Variants in ZSCAN12 observed in about 807,000 individuals in gnomAD.
ZSCAN12 encodes zinc finger and SCAN domain-containing protein 12.
Under a neutral mutation model 23.4 loss-of-function variants are expected in ZSCAN12, and 18 were observed. The observed-to-expected ratio is 0.77, with a 90% CI of 0.53 to 1.14. ZSCAN12 has a LOEUF of 1.14. ZSCAN12 is among the 50% of genes most tolerant of loss of function. The pLI is 0.00. For missense variants in ZSCAN12, 650 were observed against 735.0 expected, an observed-to-expected ratio of 0.88 and a Z score of 1.34; for synonymous variants, 186 against 253.4, an observed-to-expected ratio of 0.73 and a Z score of 2.53.
chr6:28,379,262 T>G (rs1054305710), exon 5 of ZSCAN12: 1 of 152,122 alleles, frequency 6.6e-6, no homozygotes, highest in Admixed American at 6.5e-5. Context: ...AGAAAAAATA[T>G]CAGTCATTAT....
At chr6:28,382,819 G>A (rs538881496), downstream of ZSCAN12, among the ~76,000 whole-genome samples, 1 of 152,162 alleles carries the variant, frequency 6.6e-6, no homozygotes, top group African/African-American at 2.4e-5. Flanking sequence ...AAACTTTAAA[G>A]ATCATGACCC....
Position 28,390,855 on chromosome 6 carries a change from T to C in ZSCAN12, c.1435A>G (p.Ile479Val), listed in dbSNP as rs1334383390. The C allele has an allele frequency of 5.0e-6, 8 of 1,584,414 alleles. No homozygotes were observed. Among genetic ancestry groups the C allele is most frequent in the Non-Finnish European group, 6.0e-6 (7 of 1,164,578 alleles). ...TGTTCTGTAAGACTTGTCCTTTGAA[T>C]AAAGGCTTTTTCACATACGTCACAT... is the stretch of plus-strand genomic sequence containing the variant. Reference protein sequence around the residue: ...YKCDVCEKAFIQRTSLTEHQR... With the variant: ...YKCDVCEKAFVQRTSLTEHQR... Residue 479 changes from isoleucine (I) to valine (V), a missense_variant, in exon 4 of 4, where the codon ATT becomes GTT. Transcript: ENST00000684592.
intron 2 of ZSCAN12, among the ~76,000 whole-genome samples, 199 bp from the exon 3 acceptor site, chr6:28,393,245 C>G: frequency 6.6e-6 from 1 of 152,078 alleles, no homozygotes; most frequent in Non-Finnish European, 1.5e-5. Context: ...TGTAATTTCT[C>G]CTGTTGTTAC....
Position 28,398,493 on chromosome 6 carries a change from T to C in ZSCAN12, c.-68-20A>G. On this transcript the variant is annotated intron_variant, in intron 1 of 3. Transcript: ENST00000684592. ...ACAGTCCTGAAGAATAAGCCATCATTATTAATACAAACTCCACCATAAAGT... is the reference window on the plus strand; with the variant it reads ...ACAGTCCTGAAGAATAAGCCATCATCATTAATACAAACTCCACCATAAAGT... 7.4e-7 allele frequency: 1 copy of C among 1,345,494 alleles called. No individual in the cohort carries two copies. The highest frequency in any genetic ancestry group is 9.9e-7 in the Non-Finnish European group (1 of 1,013,564). The allele number at this position is 1,345,494 out of a possible 1,614,324, so 83.3% of individuals were successfully genotyped here.
At chr6:28,382,395 T>C (rs755100666), downstream of ZSCAN12, 90 of 1,469,674 alleles carry the variant, frequency 6.1e-5, no homozygotes, top group Non-Finnish European at 7.6e-5. Context: ...CTCCAGAGAG[T>C]AGCAATTTAA....
Position 28,391,908 on chromosome 6 carries a change from AT to A in ZSCAN12, c.548-167del, listed in dbSNP as rs1760859658. On this transcript the variant is annotated intron_variant, in intron 3 of 3. Transcript: ENST00000684592. This position sits in a 1 kb window ranked among gnomAD's most constrained non-coding sequence, Gnocchi z 4.1. The stretch of plus-strand genomic sequence containing the variant: ...TATGGAAAACATATGCATCAAAAAA[AT>A]ATCTGGAAGGACACACGAAAAATTA... Among the ~76,000 whole-genome samples the A allele has an allele frequency of 6.6e-6, 1 of 152,234 alleles. No homozygotes were observed. The highest frequency in any genetic ancestry group is 2.1e-4 in the South Asian group (1 of 4,830).
chr6:28,391,043 C>T lies in ZSCAN12; in HGVS notation c.1247G>A (p.Cys416Tyr), dbSNP rs1434824932. The T allele has an allele frequency of 6.4e-7, 1 of 1,556,706 alleles. No individual in the cohort carries two copies. The highest frequency in any genetic ancestry group is 8.7e-7 in the Non-Finnish European group (1 of 1,149,514). The change falls in exon 4 of 4, where the codon TGC becomes TAC. Residue 416 changes from cysteine to tyrosine, a missense_variant. Physicochemically the swap from Cys to Tyr is radical, Grantham distance 194. Transcript: ENST00000684592. This position sits in a 1 kb window ranked among gnomAD's most constrained non-coding sequence, Gnocchi z 4.1. ...GVHTGAKPYE[C>Y]NECGKAFVYN... Reference sequence around the variant, plus strand: ...AACAAAGGCTTTTCCACACTCGTTGCACTCATACGGCTTGGCGCCGGTATG... The same window carrying T: ...AACAAAGGCTTTTCCACACTCGTTGTACTCATACGGCTTGGCGCCGGTATG...
chr6:28,392,674 G>A (rs1024189402), intron 3 of ZSCAN12, among the ~76,000 whole-genome samples: 3 of 152,024 alleles, frequency 2.0e-5, no homozygotes, highest in Non-Finnish European at 2.9e-5. Flanking sequence ...AATATCAGAA[G>A]GACTAAATTA....
rs1037913778 is a variant in ZSCAN12, at chr6:28,398,486, C to A, written c.-68-13G>T. ...TTCCTGGACAGTCCTGAAGAATAAG[C>A]CATCATTATTAATACAAACTCCACC... On this transcript the variant is annotated splice_polypyrimidine_tract_variant and intron_variant, in intron 1 of 3. Coordinates refer to ENST00000684592, the MANE Select transcript of ZSCAN12 (RefSeq NM_001163391.2). The A allele has an allele frequency of 7.3e-7, 1 of 1,368,856 alleles. No homozygotes were observed. 84.8% of individuals were successfully genotyped at this position (1,368,856 alleles called of 1,614,324 possible).
At chr6:28,395,303 A>G (rs768167952) in intron 2 of ZSCAN12, among the ~76,000 whole-genome samples, 5 of 152,062 alleles carry the variant, frequency 3.3e-5, no homozygotes, top group Admixed American at 6.6e-5. Flanking sequence ...TACCATCTCT[A>G]TGAATGACAA....
Position 28,393,577 on chromosome 6 carries a change from C to T in ZSCAN12, c.403-531G>A, listed in dbSNP as rs548089325. 7.9e-5 allele frequency among the ~76,000 whole-genome samples: 12 copies of T among 151,248 alleles called. No individual in the cohort carries two copies. The East Asian group carries it at 2.3e-3, about 29-fold the overall frequency. On this transcript the variant is annotated intron_variant, in intron 2 of 3. Transcript: ENST00000684592. ...GCAATATAGCAAGACCCCATCTCTC[C>T]AAAAAAATTAAAAATGATCTGGGCA...
Position 28,386,851 on chromosome 6 carries a change from T to TG in ZSCAN12, c.*3602dup, listed in dbSNP as rs771712095. The stretch of plus-strand genomic sequence containing the variant: ...ATTTTTATTTTAATTTTTGTTGAGA[T>TG]GGAGTCTTGCTCTGTCACCAGGCGG... On this transcript the variant is annotated 3_prime_UTR_variant, in exon 4 of 4. Coordinates refer to ENST00000684592, the MANE Select transcript of ZSCAN12 (RefSeq NM_001163391.2). Among the ~76,000 whole-genome samples the TG allele has an allele frequency of 1.6e-4, 24 of 152,214 alleles. No individual in the cohort carries two copies. The highest frequency in any genetic ancestry group is 2.9e-4 in the Non-Finnish European group (20 of 68,044).
rs941066827 is a variant in ZSCAN12, at chr6:28,390,171, G to A, written c.*283C>T. ...CTGTTACAAAGTACCACTTTCATTC[G>A]ACACCATCTGGTGCATCAATTCTAC... is the stretch of plus-strand genomic sequence containing the variant. On this transcript the variant is annotated 3_prime_UTR_variant, in exon 4 of 4. Transcript: ENST00000684592. Among the ~76,000 whole-genome samples the A allele has an allele frequency of 2.6e-5, 4 of 151,960 alleles. No homozygotes were observed. The highest frequency in any genetic ancestry group is 2.0e-4 in the Admixed American group (3 of 15,244).
downstream of ZSCAN12, chr6:28,381,384 A>G (rs1370424952): frequency 1.3e-5 from 2 of 152,238 alleles, no homozygotes; most frequent in African/African-American, 2.4e-5. Context: ...GTTTCAAAAT[A>G]CACACTAATC....
rs369049621 is a variant in ZSCAN12 at position 28,390,670 on chromosome 6, G to A, written c.1620C>T (p.Leu540=). The A allele has an allele frequency of 1.2e-6, 2 of 1,612,752 alleles. No homozygotes were observed. The highest frequency in any genetic ancestry group is 1.3e-5 in the African/African-American group (1 of 74,702). Residue 540 remains leucine, a synonymous_variant, in exon 4 of 4, where the codon CTC becomes CTT. Coordinates refer to ENST00000684592, the MANE Select transcript of ZSCAN12 (RefSeq NM_001163391.2). The part of the protein sequence containing the change: ...CGNAFRGITS[L]IQHQRIHTGE... ...CAGTGTGGATTCTCTGATGCTGAAT[G>A]AGGCTGGTGATTCCTCGGAAGGCAT... is the stretch of plus-strand genomic sequence containing the variant.
rs993901026 is a variant in ZSCAN12 at position 28,398,569 on chromosome 6, G to A, written c.-68-96C>T. The A allele has an allele frequency of 5.8e-5, 38 of 649,866 alleles. 1 individual carries two copies. In the East Asian group the frequency reaches 9.5e-4, roughly 16 times the overall value. The allele number at this position is 649,866 out of a possible 1,614,324, so 40.3% of individuals were successfully genotyped here. A position where few individuals can be genotyped will look rare whatever the true frequency, so the allele number is the denominator to read the frequency against. The stretch of plus-strand genomic sequence containing the variant: ...CTATGACCTTTGAAATCTGACCTCC[G>A]GATTAATGTACAATACTTACTCAGA... On this transcript the variant is annotated intron_variant, in intron 1 of 3. Coordinates refer to ENST00000684592, the MANE Select transcript of ZSCAN12 (RefSeq NM_001163391.2).
At chr6:28,399,124 A>G (rs1761288025) in intron 1 of ZSCAN12, among the ~76,000 whole-genome samples, 1 of 152,220 alleles carries the variant, frequency 6.6e-6, no homozygotes, top group African/African-American at 2.4e-5. Context: ...ATCCTTGATT[A>G]GTTACTTTTA....
chr6:28,384,943 C>T lies in ZSCAN12; in HGVS notation c.*5511G>A, dbSNP rs1188637027. On this transcript the variant is annotated 3_prime_UTR_variant, in exon 4 of 4. Coordinates refer to ENST00000684592, the MANE Select transcript of ZSCAN12 (RefSeq NM_001163391.2). ...GGGAAGAGATTCAATTAAAGGCTATCGAATGATTATGTCTAGGTTGAACAA... is the reference window on the plus strand; with the variant it reads ...GGGAAGAGATTCAATTAAAGGCTATTGAATGATTATGTCTAGGTTGAACAA... Among the ~76,000 whole-genome samples the T allele has an allele frequency of 3.3e-5, 5 of 152,116 alleles. No homozygotes were observed. Among genetic ancestry groups the T allele is most frequent in the Non-Finnish European group, 7.3e-5 (5 of 68,034 alleles).
At chr6:28,395,020 C>T (rs1241196036) in intron 2 of ZSCAN12, among the ~76,000 whole-genome samples, 13 of 151,862 alleles carry the variant, frequency 8.6e-5, no homozygotes, top group East Asian at 3.9e-4. Context: ...CTGCAACTTC[C>T]GACTCCTGGG....
Sources: allele counts gnomAD v4.1 joint callset (sites outside exome capture counted in the v4.1 genomes callset), GRCh38; gene constraint gnomAD v4.1.1; non-coding constraint Gnocchi (gnomAD v3.1); transcripts MANE v1.5; gene names NCBI Gene and HGNC (gene_info 2026-07-23, HGNC 2026-07-21).